RELCH: variants seen among roughly 807,000 people sequenced by gnomAD.
RELCH encodes the protein RAB11 binding and LisH domain, coiled-coil and HEAT repeat containing.
RELCH carries 41 observed loss-of-function variants against 150.3 expected under a neutral mutation model. The observed-to-expected ratio is 0.27, with a 90% confidence interval of 0.21 to 0.35. RELCH has a LOEUF of 0.35. Ranked by LOEUF, RELCH falls within the 10% of genes least tolerant of loss-of-function variation. The probability of loss-of-function intolerance (pLI) is 1.00; values close to 1 mark genes in which losing one functional copy is unlikely to be tolerated. For missense variants in RELCH, 1,092 were observed against 1,467.8 expected (o/e 0.74, Z 4.18); for synonymous variants, 478 against 531.8 (o/e 0.90, Z 1.39).
rs2045870606 is a variant in RELCH, at chr18:62,306,127, T to C, written c.*593T>C. 6.6e-6 allele frequency: 1 copy of C among 152,622 alleles called. No homozygotes were observed. The highest frequency in any genetic ancestry group is 1.5e-5 in the Non-Finnish European group (1 of 68,028). 9.5% of individuals were successfully genotyped at this position (152,622 alleles called of 1,614,324 possible). A position where few individuals can be genotyped will look rare whatever the true frequency, so the allele number is the denominator to read the frequency against. Reference sequence around the variant, plus strand: ...CTGTGATGATTTGAATTACAAATCCTACAGTCAATAGCTAAAGACGAAACC... The same window carrying C: ...CTGTGATGATTTGAATTACAAATCCCACAGTCAATAGCTAAAGACGAAACC... On this transcript the variant is annotated 3_prime_UTR_variant, in exon 29 of 29. Transcript: ENST00000644646.
intron 2 of RELCH, among the ~76,000 whole-genome samples, chr18:62,219,818 G>A (rs1314174642): frequency 6.6e-6 from 1 of 151,956 alleles, no homozygotes; most frequent in Non-Finnish European, 1.5e-5. Context: ...TATTGAAAAT[G>A]TGCAAACTGA....
In RELCH at chr18:62,255,487, G is replaced by GT; in HGVS notation, c.1896+10dup. On this transcript the variant is annotated intron_variant, in intron 13 of 28. Transcript: ENST00000644646. ...TGGCACCTTACCTTCCTGTAAGATT[G>GT]TCTTTTTTTTTTTCTTTAAACTATT... The GT allele has an allele frequency of 6.4e-7, 1 of 1,562,592 alleles. No homozygotes were observed. Among genetic ancestry groups the GT allele is most frequent in the South Asian group, 1.2e-5 (1 of 83,892 alleles).
intron 11 of RELCH, among the ~76,000 whole-genome samples, chr18:62,248,212 T>C (rs1456887215): frequency 6.6e-6 from 1 of 152,186 alleles, no homozygotes; most frequent in Non-Finnish European, 1.5e-5. Context: ...TAAAGTTTCC[T>C]CCGTAAACTT....
intron 5 of RELCH, among the ~76,000 whole-genome samples, chr18:62,221,945 A>G (rs1017310604): frequency 3.3e-5 from 5 of 151,932 alleles, no homozygotes; most frequent in African/African-American, 1.2e-4. Flanking sequence ...AATCAGCTGT[A>G]TCTCTCTGAA....
chr18:62,218,641 A>G (rs959050750), intron 2 of RELCH, among the ~76,000 whole-genome samples: 2 of 151,954 alleles, frequency 1.3e-5, no homozygotes, highest in Admixed American at 1.3e-4. Context: ...CTGACTTTTA[A>G]GTGTTAACTA....
chr18:62,252,162 A>ATTTTTT (rs138202096), intron 11 of RELCH, among the ~76,000 whole-genome samples: 1 of 133,934 alleles, frequency 7.5e-6, no homozygotes, highest in African/African-American at 2.8e-5. Context: ...CGCCCGGCTA[A>ATTTTTT]TTTTTTTTTT....
At chr18:62,288,967 G>A (rs550189670) in intron 26 of RELCH, among the ~76,000 whole-genome samples, 1 of 152,202 alleles carries the variant, frequency 6.6e-6, no homozygotes, top group Admixed American at 6.5e-5. Context: ...TACACAAAAC[G>A]TTATGTATAA....
At chr18:62,297,048 T>A (rs868621212) in intron 27 of RELCH, among the ~76,000 whole-genome samples, 2 of 152,220 alleles carry the variant, frequency 1.3e-5, no homozygotes, top group African/African-American at 2.4e-5. Flanking sequence ...TGGGACTGAA[T>A]AAGAGGAATA....
At chr18:62,219,791 C>G (rs1487685432) in intron 2 of RELCH, among the ~76,000 whole-genome samples, 1 of 151,998 alleles carries the variant, frequency 6.6e-6, no homozygotes. Context: ...AGATGTGATT[C>G]AATTACATCT....
In RELCH at chr18:62,279,676, C is replaced by T. The variant is rs192592308; in HGVS notation, c.2968-98C>T. ...AATTTTGGTTTTGCTTTTGTGTTTT[C>T]TCTCTTTCTCTTGGTTGTTCCTTCC... On this transcript the variant is annotated intron_variant, in intron 22 of 28. Transcript: ENST00000644646. The T allele has an allele frequency of 4.2e-5, 32 of 767,970 alleles. 1 individual carries two copies. Among genetic ancestry groups the T allele is most frequent in the African/African-American group, 4.1e-4 (23 of 56,610 alleles). The allele number at this position is 767,970 out of a possible 1,614,324, so 47.6% of individuals were successfully genotyped here.
chr18:62,187,966 G>T lies in RELCH; in HGVS notation c.461G>T (p.Gly154Val). Residue 154 changes from glycine to valine, a missense_variant, in exon 1 of 29, where the codon GGA becomes GTA. Physicochemically the swap from Gly to Val is moderately radical, Grantham distance 109. Around this residue, in one of 4 missense-constraint regions of RELCH, gnomAD observed 190 missense variants for 276.2 expected, o/e 0.69. Coordinates refer to ENST00000644646, the MANE Select transcript of RELCH (RefSeq NM_001346231.2). ...PPGMGAPGVP[G>V]AAGVGGAGGR... ...GGGATGGGGGCGCCAGGGGTCCCTG[G>T]AGCAGCCGGCGTTGGGGGCGCTGGA... 1 of 1,600,254 alleles carries T rather than the reference G, an allele frequency of 6.2e-7. No homozygotes were observed. Among genetic ancestry groups the T allele is most frequent in the Non-Finnish European group, 8.5e-7 (1 of 1,174,408 alleles).
At chr18:62,245,334 TCA>T (rs2042348928) in intron 11 of RELCH, among the ~76,000 whole-genome samples, 1 of 152,186 alleles carries the variant, frequency 6.6e-6, no homozygotes, top group Admixed American at 6.5e-5. Context: ...CTCAAAATGT[TCA>T]GTTTCGGCCA....
Position 62,298,875 on chromosome 18 carries a change from CTT to C in RELCH, c.3530+21_3530+22del. On this transcript the variant is annotated intron_variant, in intron 28 of 28. Transcript: ENST00000644646. ...GAGCCTCAAGGGTAAGACATTAATT[CTT>C]TTTTTAAGGCTACATGTTAACTTTA... 1 of 1,451,766 alleles carries C rather than the reference CTT, an allele frequency of 6.9e-7. No individual in the cohort carries two copies. The highest frequency in any genetic ancestry group is 9.5e-7 in the Non-Finnish European group (1 of 1,049,356). 89.9% of individuals were successfully genotyped at this position (1,451,766 alleles called of 1,614,324 possible).
At chr18:62,303,652 G>C (rs2045762767) in intron 28 of RELCH, among the ~76,000 whole-genome samples, 3 of 152,168 alleles carry the variant, frequency 2.0e-5, no homozygotes, top group African/African-American at 7.2e-5. Flanking sequence ...ACTTCAGCTG[G>C]GCTTTGAAAG....
In RELCH at chr18:62,280,637, T is replaced by C; in HGVS notation, c.3051-9T>C. 1 of 1,605,658 alleles carries C rather than the reference T, an allele frequency of 6.2e-7. No individual in the cohort carries two copies. The highest frequency in any genetic ancestry group is 8.5e-7 in the Non-Finnish European group (1 of 1,172,770). On this transcript the variant is annotated splice_polypyrimidine_tract_variant and intron_variant, in intron 23 of 28. Transcript: ENST00000644646. Reference sequence around the variant, plus strand: ...AATCTTCAGTTTCTTTCTGTTTTAATTCTAACAGCTCTGTCAGGATTGCCA... The same window carrying C: ...AATCTTCAGTTTCTTTCTGTTTTAACTCTAACAGCTCTGTCAGGATTGCCA...
intron 8 of RELCH, 144 bp downstream of exon 8, chr18:62,228,742 C>A (rs1599930468): frequency 1.7e-6 from 1 of 600,320 alleles, no homozygotes; most frequent in Non-Finnish European, 2.7e-6. Flanking sequence ...TAACACATAG[C>A]AAAGTAGTTG....
intron 18 of RELCH, among the ~76,000 whole-genome samples, 153 bp from the exon 19 acceptor site, chr18:62,266,548 A>G (rs1330200244): frequency 6.6e-6 from 1 of 151,876 alleles, no homozygotes; most frequent in Non-Finnish European, 1.5e-5. Flanking sequence ...AAGCCTCATG[A>G]TTAAGAATTA....
At chr18:62,223,969 C>CT (rs879890828) in intron 5 of RELCH, among the ~76,000 whole-genome samples, 3 of 150,610 alleles carry the variant, frequency 2.0e-5, no homozygotes, top group East Asian at 1.9e-4. Flanking sequence ...CATTCTTTTT[C>CT]TTTTTTTTTA....
At position 62,231,373 on chromosome 18, in the gene RELCH, C is replaced by T. The variant is rs79654141; in HGVS notation, c.1524+104C>T. On this transcript the variant is annotated intron_variant, in intron 9 of 28. Transcript: ENST00000644646. ...AAGCATCTGTGATAAGACTGTATTT[C>T]AAATGCAAATCCATTATGTAAAATA... 1,623 of 666,102 alleles carry T rather than the reference C, an allele frequency of 2.4e-3. 46 individuals carry two copies. In the East Asian group the frequency reaches 0.041, roughly 17 times the overall value. The allele number at this position is 666,102 out of a possible 1,614,324, so 41.3% of individuals were successfully genotyped here.
Sources: allele counts gnomAD v4.1 joint callset (sites outside exome capture counted in the v4.1 genomes callset), GRCh38; gene constraint gnomAD v4.1.1; regional missense constraint gnomAD v4.1.1; transcripts MANE v1.5; gene names NCBI Gene and HGNC (gene_info 2026-07-23, HGNC 2026-07-21).